The following TDRD12 variants were observed in gnomAD, a reference collection of about 807,000 sequenced individuals.
TDRD12 encodes the protein putative ATP-dependent RNA helicase TDRD12.
TDRD12 carries 158 observed loss-of-function variants against 133.5 expected under a neutral mutation model. The ratio of observed to expected loss-of-function variants is 1.18; its 90% CI spans 1.04 to 1.35. The LOEUF is 1.35. Among genes scored for constraint, TDRD12 ranks in the 40% most tolerant of loss-of-function variants. The pLI, the probability that TDRD12 is intolerant of heterozygous loss-of-function variation, is 0.00. For synonymous variants in TDRD12, 460 were observed against 477.9 expected (o/e 0.96, Z 0.49); for missense variants, 1,443 against 1,321.3 (o/e 1.09, Z -1.43).
At chr19:32,826,445 T>G (rs1482978630) in exon 9 of TDRD12, 4 of 1,245,574 alleles carry the variant, frequency 3.2e-6, no homozygotes. Flanking sequence ...ATAAACCCAG[T>G]GCTTGGGTGG....
intron 11 of TDRD12, among the ~76,000 whole-genome samples, chr19:32,778,225 C>T (rs1970664167): frequency 6.6e-6 from 1 of 151,800 alleles, no homozygotes; most frequent in African/African-American, 2.4e-5. Flanking sequence ...ATGCTGATGA[C>T]CTGCCAGGGC....
chr19:32,765,116 C>T (rs541327685), intron 8 of TDRD12, among the ~76,000 whole-genome samples: 1 of 152,308 alleles, frequency 6.6e-6, no homozygotes, highest in East Asian at 1.9e-4. Flanking sequence ...GACATTTATG[C>T]AGCCAAAAGA....
chr19:32,812,891 GC>G (rs1341145912), intron 24 of TDRD12, among the ~76,000 whole-genome samples: 1 of 152,194 alleles, frequency 6.6e-6, no homozygotes, highest in African/African-American at 2.4e-5. Flanking sequence ...AACTGCCATG[GC>G]CAGGCATGGT....
At position 32,785,781 on chromosome 19, in the gene TDRD12, A is replaced by G. The variant is rs966931884; in HGVS notation, c.1122-4750A>G. Among the ~76,000 whole-genome samples the G allele has an allele frequency of 1.8e-4, 27 of 151,778 alleles. 1 individual carries two copies. The highest frequency in any genetic ancestry group is 6.3e-4 in the African/African-American group (26 of 41,344). On this transcript the variant is annotated intron_variant, in intron 11 of 27. Transcript: ENST00000444215. The stretch of plus-strand genomic sequence containing the variant: ...TTTTTTTTTTGCTTTCCATTTGCTT[A>G]GTAGATCTTCCTCCATCCCTTTATT...
At chr19:32,786,007 G>A (rs1377452370) in intron 11 of TDRD12, among the ~76,000 whole-genome samples, 5 of 152,158 alleles carry the variant, frequency 3.3e-5, no homozygotes, top group African/African-American at 9.7e-5. Flanking sequence ...ATTAATTGAT[G>A]TAGTTTCTTC....
chr19:32,752,383 T>G (rs1040149197), intron 6 of TDRD12, among the ~76,000 whole-genome samples: 2 of 152,044 alleles, frequency 1.3e-5, no homozygotes, highest in Admixed American at 1.3e-4. Flanking sequence ...TTTCACCATG[T>G]TGGCCAGGCT....
At chr19:32,742,560 G>A (rs1289713051) in intron 3 of TDRD12, among the ~76,000 whole-genome samples, 1 of 152,080 alleles carries the variant, frequency 6.6e-6, no homozygotes, top group African/African-American at 2.4e-5. Flanking sequence ...CGTGCTTTAT[G>A]TATCAAAAGA....
chr19:32,820,218 C>G (rs895439593), intron 27 of TDRD12, among the ~76,000 whole-genome samples: 3 of 152,122 alleles, frequency 2.0e-5, no homozygotes, highest in Non-Finnish European at 4.4e-5. Flanking sequence ...CTCCTTCTCA[C>G]AGGTTTGTGT....
At chr19:32,812,665 G>T (rs1379751849) in intron 24 of TDRD12, among the ~76,000 whole-genome samples, 1 of 152,188 alleles carries the variant, frequency 6.6e-6, no homozygotes, top group Non-Finnish European at 1.5e-5. Flanking sequence ...AGAAACATCT[G>T]ACCTGTAAAG....
At chr19:32,802,010 T>C (rs957116208) in intron 19 of TDRD12, 137 bp downstream of exon 19, 45 of 431,282 alleles carry the variant, frequency 1.0e-4, no homozygotes, top group African/African-American at 8.4e-4. Context: ...CAATGTTAAT[T>C]TCAAAATGAA....
intron 11 of TDRD12, 48 bp downstream of exon 11, chr19:32,777,277 TAA>T: frequency 1.8e-6 from 2 of 1,131,134 alleles, no homozygotes; most frequent in Non-Finnish European, 2.5e-6. Context: ...ATAATTATAA[TAA>T]AATTATAAAC....
At chr19:32,722,576 C>A (rs1432275692) in intron 1 of TDRD12, among the ~76,000 whole-genome samples, 2 of 152,082 alleles carry the variant, frequency 1.3e-5, no homozygotes, top group East Asian at 3.8e-4. Context: ...TTTGTACATA[C>A]ACAATGGCAT....
At chr19:32,734,505 G>C (rs1969165516) in intron 2 of TDRD12, among the ~76,000 whole-genome samples, 1 of 151,902 alleles carries the variant, frequency 6.6e-6, no homozygotes, top group South Asian at 2.1e-4. Flanking sequence ...CAAGTGGCTA[G>C]GACTAAAGGC....
intron 1 of TDRD12, among the ~76,000 whole-genome samples, chr19:32,726,751 A>C (rs1179812127): frequency 2.0e-5 from 3 of 152,106 alleles, no homozygotes; most frequent in African/African-American, 7.2e-5. Context: ...AAAAACAAAT[A>C]TATGTCTTTT....
chr19:32,801,869 A>G (rs1047599575), exon 19 of TDRD12: 59 of 1,241,556 alleles, frequency 4.8e-5, no homozygotes, highest in Non-Finnish European at 6.4e-5. Context: ...CTCAAATTAT[A>G]TTAGGTAAGT....
At chr19:32,731,533 T>G (rs1191967326) in intron 1 of TDRD12, among the ~76,000 whole-genome samples, 192 bp from the exon 2 acceptor site, 2 of 152,228 alleles carry the variant, frequency 1.3e-5, no homozygotes, top group African/African-American at 4.8e-5. Context: ...TCACAACACA[T>G]AATTGAGAAT....
chr19:32,770,319 T>A (rs1970410800), intron 8 of TDRD12, among the ~76,000 whole-genome samples: 1 of 152,158 alleles, frequency 6.6e-6, no homozygotes, highest in Admixed American at 6.5e-5. Flanking sequence ...TTTTTGTGTT[T>A]TCTATTGACC....
At chr19:32,755,287 A>G (rs1056375635) in intron 6 of TDRD12, among the ~76,000 whole-genome samples, 4 of 152,164 alleles carry the variant, frequency 2.6e-5, no homozygotes, top group Non-Finnish European at 2.9e-5. Context: ...TTTGGATCAT[A>G]TTGTAGGTAT....
intron 4 of TDRD12, among the ~76,000 whole-genome samples, chr19:32,744,499 C>CAA (rs10644749): frequency 0.35 from 13,294 of 37,648 alleles, 3,273 homozygotes; most frequent in East Asian, 0.47. Context: ...GACTCCGTCT[C>CAA]AAAAAAAAAA....
Sources: allele counts gnomAD v4.1 joint callset (sites outside exome capture counted in the v4.1 genomes callset), GRCh38; gene constraint gnomAD v4.1.1; transcripts MANE v1.5; gene names NCBI Gene and HGNC (gene_info 2026-07-23, HGNC 2026-07-21).